Variants in CLEC4A observed in about 807,000 individuals in gnomAD.
CLEC4A encodes C-type lectin domain family 4 member A.
Under a neutral mutation model 32.7 loss-of-function variants are expected in CLEC4A, and 27 were observed. The observed-to-expected ratio is 0.83, with a 90% CI of 0.61 to 1.14. The LOEUF (loss-of-function observed/expected upper bound fraction) is 1.14, where lower values mean the gene tolerates loss of function less well. Among genes scored for constraint, CLEC4A ranks in the 50% most tolerant of loss-of-function variants. The pLI is 0.00. For synonymous variants in CLEC4A, 89 were observed against 93.7 expected (o/e 0.95, Z 0.29); for missense variants, 253 against 274.6 (o/e 0.92, Z 0.55).
At chr12:8,137,313 C>G (rs1948139554) in intron 5 of CLEC4A, among the ~76,000 whole-genome samples, 1 of 151,950 alleles carries the variant, frequency 6.6e-6, no homozygotes. Context: ...GGGTCTTACT[C>G]TGTCAACCAG....
At chr12:8,103,371 C>CTT in the CLEC4A span, among the ~76,000 whole-genome samples, 1 of 49,022 alleles carries the variant, frequency 2.0e-5, no homozygotes, top group African/African-American at 7.1e-5. Context: ...TTGTTTCTTT[C>CTT]TGTTGTTTTT....
chr12:8,112,268 T>C, the CLEC4A span, among the ~76,000 whole-genome samples: 1 of 152,120 alleles, frequency 6.6e-6, no homozygotes, highest in Admixed American at 6.6e-5. Context: ...GCACCTGGCC[T>C]ACGTGGGTAT....
intron 2 of CLEC4A, among the ~76,000 whole-genome samples, chr12:8,126,868 A>T (rs1286897627): frequency 6.6e-6 from 1 of 152,204 alleles, no homozygotes; most frequent in Non-Finnish European, 1.5e-5. Context: ...CATGACTGGA[A>T]CATATGGTGC....
At chr12:8,138,076 C>T in intron 5 of CLEC4A, 64 bp from the exon 6 acceptor site, 1 of 1,543,724 alleles carries the variant, frequency 6.5e-7, no homozygotes, top group Non-Finnish European at 8.8e-7. Context: ...CTCCTCACCC[C>T]TGTCTCTAAC....
chr12:8,127,550 A>C (rs1231215827), intron 2 of CLEC4A, among the ~76,000 whole-genome samples: 1 of 152,200 alleles, frequency 6.6e-6, no homozygotes, highest in Non-Finnish European at 1.5e-5. Flanking sequence ...TAAGCAGGGA[A>C]TTGATATAAT....
At chr12:8,116,505 TC>T in the CLEC4A span, among the ~76,000 whole-genome samples, 1 of 152,192 alleles carries the variant, frequency 6.6e-6, no homozygotes, top group Non-Finnish European at 1.5e-5. Flanking sequence ...AAATGTATGA[TC>T]ATCTACTCCC....
chr12:8,134,064 C>T (rs1948047429), intron 3 of CLEC4A: 3 of 1,591,326 alleles, frequency 1.9e-6, no homozygotes, highest in Admixed American at 3.6e-5. Context: ...AGCTGCTGGG[C>T]GATGTGGCTG....
chr12:8,134,975 T>TTTTTTTTG lies in CLEC4A; in HGVS notation c.299-607_299-606insTTTTGTTT, dbSNP rs1252899557. The TTTTTTTTG allele has an allele frequency of 1.4e-3, 434 of 304,616 alleles. 47 individuals are homozygous for TTTTTTTTG. Among genetic ancestry groups the TTTTTTTTG allele is most frequent in the Non-Finnish European group, 1.8e-3 (367 of 201,512 alleles). The allele number at this position is 304,616 out of a possible 1,614,324, so 18.9% of individuals were successfully genotyped here. ...TGTCTGTATCTTCTTGTTGAAGCGT[T>TTTTTTTTG]TTTGTTTTTTGTTTTTTTTTAATCA... is the stretch of plus-strand genomic sequence containing the variant. On this transcript the variant is annotated intron_variant, in intron 3 of 5. Transcript: ENST00000229332.
intron 5 of CLEC4A, among the ~76,000 whole-genome samples, 154 bp downstream of exon 5, chr12:8,137,057 C>T (rs1948134106): frequency 6.6e-6 from 1 of 152,148 alleles, no homozygotes; most frequent in South Asian, 2.1e-4. Context: ...TTAATCTGCG[C>T]AAGAACCCTA....
chr12:8,126,899 GA>G (rs1470975830), intron 2 of CLEC4A, among the ~76,000 whole-genome samples: 1 of 152,196 alleles, frequency 6.6e-6, no homozygotes, highest in Non-Finnish European at 1.5e-5. Context: ...ACTAAGAAAT[GA>G]AGTTGTAGGT....
chr12:8,125,625 A>T lies in CLEC4A; in HGVS notation c.147A>T (p.Ser49=), dbSNP rs758185932. 84 of 1,613,386 alleles carry T rather than the reference A, an allele frequency of 5.2e-5. No homozygotes were observed. Among genetic ancestry groups the T allele is most frequent in the Non-Finnish European group, 5.1e-6 (6 of 1,179,528 alleles). ...NTGFPKLLCA[S]LLIFFLLLAI... ...GATTCCCCAAGCTGCTTTGTGCCTC[A>T]CTGTTGATATTTTTCCTGCTATTGG... Residue 49 remains serine (S), a synonymous_variant, in exon 2 of 6, where the codon TCA becomes TCT. Transcript: ENST00000229332.
At chr12:8,106,701 A>G in the CLEC4A span, among the ~76,000 whole-genome samples, 1 of 151,448 alleles carries the variant, frequency 6.6e-6, no homozygotes, top group African/African-American at 2.4e-5. Context: ...CTCAGCTTGG[A>G]CGTTGGATTT....
intron 4 of CLEC4A, among the ~76,000 whole-genome samples, chr12:8,136,058 G>A (rs1183421249): frequency 3.9e-5 from 6 of 152,136 alleles, no homozygotes; most frequent in South Asian, 2.1e-4. Context: ...CAAAGAAGAG[G>A]TATTAAGTTG....
chr12:8,115,437 T>A, the CLEC4A span, among the ~76,000 whole-genome samples: 1 of 152,180 alleles, frequency 6.6e-6, no homozygotes, highest in Non-Finnish European at 1.5e-5. Flanking sequence ...GTTGTTGGTT[T>A]AGGACCACAC....
intron 3 of CLEC4A, among the ~76,000 whole-genome samples, chr12:8,132,423 G>A (rs751798681): frequency 6.6e-6 from 1 of 152,284 alleles, no homozygotes; most frequent in South Asian, 2.1e-4. Context: ...TTAAAAGTGT[G>A]TTGTTTAGTT....
At chr12:8,111,295 T>G in the CLEC4A span, among the ~76,000 whole-genome samples, 3 of 148,220 alleles carry the variant, frequency 2.0e-5, no homozygotes, top group African/African-American at 7.4e-5. Context: ...TTCTCCTGCC[T>G]CAGCCTGCCA....
At chr12:8,109,830 G>A in the CLEC4A span, among the ~76,000 whole-genome samples, 1 of 152,052 alleles carries the variant, frequency 6.6e-6, no homozygotes, top group Non-Finnish European at 1.5e-5. Context: ...CTCTCCAGGT[G>A]TGTAATGGGA....
the CLEC4A span, among the ~76,000 whole-genome samples, chr12:8,110,276 G>A: frequency 2.0e-5 from 3 of 151,904 alleles, no homozygotes; most frequent in South Asian, 2.1e-4. Context: ...TTTCACAGGC[G>A]AGGACACAGA....
chr12:8,115,846 T>C, the CLEC4A span, among the ~76,000 whole-genome samples: 1 of 152,082 alleles, frequency 6.6e-6, no homozygotes, highest in African/African-American at 2.4e-5. Flanking sequence ...TGGAGTGCAG[T>C]GACACGATCA....
Sources: allele counts gnomAD v4.1 joint callset (sites outside exome capture counted in the v4.1 genomes callset), GRCh38; gene constraint gnomAD v4.1.1; transcripts MANE v1.5; gene names NCBI Gene and HGNC (gene_info 2026-07-23, HGNC 2026-07-21).